Variants in FHIT observed in about 807,000 individuals in gnomAD.
FHIT encodes fragile histidine triad diadenosine triphosphatase.
In FHIT, 19 loss-of-function variants were observed where a neutral mutation model predicts 17.9. The observed-to-expected ratio is 1.06, with a 90% CI of 0.74 to 1.56. The LOEUF (loss-of-function observed/expected upper bound fraction) is 1.56, where lower values mean the gene tolerates loss of function less well. Ranked by LOEUF, FHIT falls within the 40% of genes most tolerant of loss-of-function variation. FHIT has a pLI of 0.00. For synonymous variants in FHIT, 81 were observed against 69.7 expected, an observed-to-expected ratio of 1.16 and a Z score of -0.81; for missense variants, 248 against 189.2, an observed-to-expected ratio of 1.31 and a Z score of -1.82.
At chr3:60,451,221 C>T (rs763279208) in intron 5 of FHIT, among the ~76,000 whole-genome samples, 6 of 152,026 alleles carry the variant, frequency 3.9e-5, no homozygotes, top group Non-Finnish European at 7.4e-5. Flanking sequence ...AAGTCAATAA[C>T]CAAGGTTCAG....
chr3:60,064,917 T>C lies in FHIT; in HGVS notation c.104-50765A>G, dbSNP rs186332178. ...AATCTTCCCATTGCATATGAAGAAA[T>C]TGACACTTAAAGATATAACACTTAC... On this transcript the variant is annotated intron_variant, in intron 5 of 9. Coordinates refer to ENST00000492590, the MANE Select transcript of FHIT (RefSeq NM_002012.4). Among the ~76,000 whole-genome samples, 27 of 152,258 alleles carry C rather than the reference T, an allele frequency of 1.8e-4. 1 individual carries two copies. The South Asian group carries it at 3.5e-3, about 20-fold the overall frequency.
intron 5 of FHIT, among the ~76,000 whole-genome samples, chr3:60,172,391 G>A (rs1383746150): frequency 4.0e-5 from 6 of 151,702 alleles, no homozygotes; most frequent in Non-Finnish European, 7.4e-5. Flanking sequence ...TCAGCACCCC[G>A]AGTAGCTGGG....
intron 8 of FHIT, among the ~76,000 whole-genome samples, chr3:59,830,936 T>C (rs1474796426): frequency 6.6e-6 from 1 of 152,212 alleles, no homozygotes; most frequent in Non-Finnish European, 1.5e-5. Context: ...ACTGTACCAA[T>C]GAAGCAGGAT....
chr3:60,287,273 A>T (rs2106637940), intron 5 of FHIT, among the ~76,000 whole-genome samples: 2 of 152,192 alleles, frequency 1.3e-5, no homozygotes, highest in East Asian at 1.9e-4. Context: ...GGTTCAAGCA[A>T]TTCTCCTGCC....
chr3:60,397,462 G>T (rs1701492258), intron 5 of FHIT, among the ~76,000 whole-genome samples: 1 of 152,154 alleles, frequency 6.6e-6, no homozygotes. Flanking sequence ...CAGTGAGAAA[G>T]TCTCACATGT....
intron 3 of FHIT, among the ~76,000 whole-genome samples, chr3:60,985,259 T>A (rs934451271): frequency 3.9e-5 from 6 of 152,210 alleles, no homozygotes; most frequent in Admixed American, 3.3e-4. Context: ...TGTGTTTTTT[T>A]ACTTCTGGAC....
rs1176585175 is a variant in FHIT at position 59,749,244 on chromosome 3, A to C, written c.*341T>G. On this transcript the variant is annotated 3_prime_UTR_variant, in exon 10 of 10. Transcript: ENST00000492590. ...TCCAACGATTGAATTTCCTTTAAAA[A>C]AGTAACTGTAACTGTAATAGGTTTG... is the stretch of plus-strand genomic sequence containing the variant. The C allele has an allele frequency of 2.2e-5, 5 of 230,912 alleles. No homozygotes were observed. The highest frequency in any genetic ancestry group is 3.4e-5 in the Non-Finnish European group (4 of 116,626). The allele number at this position is 230,912 out of a possible 1,614,324, so 14.3% of individuals were successfully genotyped here.
chr3:60,706,806 C>T (rs1347587767), intron 4 of FHIT, among the ~76,000 whole-genome samples: 3 of 152,168 alleles, frequency 2.0e-5, no homozygotes, highest in Non-Finnish European at 2.9e-5. Flanking sequence ...AATTCAACAA[C>T]ATCAAAAAGC....
Position 60,330,461 on chromosome 3 carries a change from G to A in FHIT, c.103+206399C>T, listed in dbSNP as rs143508157. Among the ~76,000 whole-genome samples, 585 of 152,202 alleles carry A rather than the reference G, an allele frequency of 3.8e-3. 2 individuals are homozygous for A. Among genetic ancestry groups the A allele is most frequent in the South Asian group, 0.021 (102 of 4,812 alleles). ...TATAAAGAAATCCAAACAAAAATTC[G>A]GCATGTGTGCCCATCCAGGCATGAC... On this transcript the variant is annotated intron_variant, in intron 5 of 9. Transcript: ENST00000492590.
intron 5 of FHIT, among the ~76,000 whole-genome samples, chr3:60,521,229 G>C (rs776343981): frequency 4.1e-5 from 6 of 146,548 alleles, no homozygotes; most frequent in Non-Finnish European, 8.9e-5. Flanking sequence ...CAGGATAATG[G>C]ACAATAAAAA....
intron 5 of FHIT, among the ~76,000 whole-genome samples, chr3:60,063,144 C>A (rs1406047451): frequency 6.6e-6 from 1 of 152,088 alleles, no homozygotes; most frequent in African/African-American, 2.4e-5. Context: ...AGACAAAATT[C>A]ACAGAGAAGG....
chr3:60,517,187 T>A (rs762584964), intron 5 of FHIT, among the ~76,000 whole-genome samples: 1 of 152,224 alleles, frequency 6.6e-6, no homozygotes. Flanking sequence ...TTAAGTTAAA[T>A]ATATTTTTAC....
At chr3:60,179,587 T>C (rs546806809) in intron 5 of FHIT, among the ~76,000 whole-genome samples, 1 of 152,248 alleles carries the variant, frequency 6.6e-6, no homozygotes, top group Non-Finnish European at 1.5e-5. Flanking sequence ...GAACAGGGTC[T>C]TTCTGCCAAG....
At chr3:59,958,610 C>T (rs1293167129) in intron 7 of FHIT, among the ~76,000 whole-genome samples, 1 of 152,142 alleles carries the variant, frequency 6.6e-6, no homozygotes, top group African/African-American at 2.4e-5. Flanking sequence ...CTGCAGCTAC[C>T]TAGAGGGTTG....
At chr3:60,052,902 T>C (rs1208912059) in intron 5 of FHIT, among the ~76,000 whole-genome samples, 2 of 151,658 alleles carry the variant, frequency 1.3e-5, no homozygotes, top group South Asian at 2.1e-4. Context: ...GTGTTATTTA[T>C]CAGAAAGTCA....
intron 2 of FHIT, among the ~76,000 whole-genome samples, chr3:61,043,616 T>G (rs2033637954): frequency 6.6e-6 from 1 of 152,192 alleles, no homozygotes; most frequent in Non-Finnish European, 1.5e-5. Flanking sequence ...GTCTGACAGC[T>G]TTGAAGAGAG....
At chr3:60,971,501 AC>A (rs1710007243) in intron 3 of FHIT, among the ~76,000 whole-genome samples, 1 of 150,774 alleles carries the variant, frequency 6.6e-6, no homozygotes, top group Non-Finnish European at 1.5e-5. Flanking sequence ...GCTTAATTTA[AC>A]CTATTGATTC....
At chr3:60,956,487 T>C (rs1709166263) in intron 3 of FHIT, among the ~76,000 whole-genome samples, 1 of 152,222 alleles carries the variant, frequency 6.6e-6, no homozygotes, top group Admixed American at 6.5e-5. Flanking sequence ...CTTTTTCTGC[T>C]TTGGCATCGA....
intron 4 of FHIT, among the ~76,000 whole-genome samples, chr3:60,649,261 G>A (rs1009182175): frequency 1.4e-4 from 21 of 152,172 alleles, no homozygotes; most frequent in African/African-American, 4.1e-4. Context: ...TTAGCCGGGC[G>A]TGGTGGCGGG....
Sources: gnomAD v4.1 joint callset for allele counts (sites outside exome capture counted in the v4.1 genomes callset) on GRCh38, gnomAD v4.1.1 for gene constraint, MANE v1.5 for transcripts, NCBI Gene and HGNC (gene_info 2026-07-23, HGNC 2026-07-21) for gene names.